CNTN5: variants seen among roughly 807,000 people sequenced by gnomAD.
CNTN5 encodes contactin 5.
In CNTN5, 77 loss-of-function variants were observed where a neutral mutation model predicts 129.1. The observed-to-expected ratio is 0.60, with a 90% CI of 0.50 to 0.72. The LOEUF is 0.72. Ranked by LOEUF, CNTN5 falls within the 30% of genes least tolerant of loss-of-function variation. CNTN5 has a pLI of 0.00. For synonymous variants in CNTN5, 509 were observed against 465.6 expected (o/e 1.09, Z -1.20); for missense variants, 1,478 against 1,328.8 (o/e 1.11, Z -1.75).
At chr11:100,073,232 A>T (rs1943999608) in intron 12 of CNTN5, among the ~76,000 whole-genome samples, 1 of 151,932 alleles carries the variant, frequency 6.6e-6, no homozygotes, top group African/African-American at 2.4e-5. Flanking sequence ...TTTTCAGTAG[A>T]GATGGGGTTT....
At chr11:100,064,886 A>G (rs1943635303) in intron 10 of CNTN5, among the ~76,000 whole-genome samples, 1 of 152,130 alleles carries the variant, frequency 6.6e-6, no homozygotes, top group Admixed American at 6.6e-5. Flanking sequence ...GACAAACATC[A>G]TTTAAGCAGT....
rs371454644 is a variant in CNTN5, at chr11:100,267,280, C to CACACACACAG, written c.2165-3811_2165-3810insCACACACAGA. Among the ~76,000 whole-genome samples, 745 of 148,532 alleles carry CACACACACAG rather than the reference C, an allele frequency of 5.0e-3. 9 individuals carry two copies. The highest frequency in any genetic ancestry group is 0.028 in the East Asian group (136 of 4,800). On this transcript the variant is annotated intron_variant, in intron 17 of 24. Coordinates refer to ENST00000524871, the MANE Select transcript of CNTN5 (RefSeq NM_014361.4). Reference sequence around the variant, plus strand: ...ACACACACACACACACACACACACACAGAGAGAGAGAGAAAGAGAGAGTGA... The same window carrying CACACACACAG: ...ACACACACACACACACACACACACACACACACACAGAGAGAGAGAGAGAAAGAGAGAGTGA...
At chr11:99,849,348 A>ATATATATATGCATAATTAG (rs1186418686) in intron 6 of CNTN5, among the ~76,000 whole-genome samples, 22 of 151,786 alleles carry the variant, frequency 1.4e-4, no homozygotes, top group Admixed American at 2.6e-4. Flanking sequence ...TTCAACATAT[A>ATATATATATGCATAATTAG]TATATATATG....
intron 1 of CNTN5, among the ~76,000 whole-genome samples, chr11:99,249,454 A>G (rs2135786216): frequency 6.6e-6 from 1 of 152,178 alleles, no homozygotes; most frequent in African/African-American, 2.4e-5. Flanking sequence ...GACACAGATT[A>G]GACATTTAAT....
chr11:99,872,276 C>T (rs1948523203), intron 6 of CNTN5, among the ~76,000 whole-genome samples: 1 of 151,896 alleles, frequency 6.6e-6, no homozygotes, highest in Admixed American at 6.6e-5. Flanking sequence ...CTTTGCTTTA[C>T]TGGAAATATA....
At chr11:100,151,063 C>A (rs905605158) in intron 13 of CNTN5, among the ~76,000 whole-genome samples, 5 of 152,078 alleles carry the variant, frequency 3.3e-5, no homozygotes, top group African/African-American at 1.2e-4. Context: ...TCTTAGATTT[C>A]CCACCCTTTA....
intron 1 of CNTN5, among the ~76,000 whole-genome samples, chr11:99,264,511 G>T (rs1292596957): frequency 6.6e-6 from 1 of 151,918 alleles, no homozygotes; most frequent in Non-Finnish European, 1.5e-5. Context: ...CCTGGAGCAG[G>T]GGAAATGCTA....
chr11:99,643,403 C>G (rs1951839894), intron 3 of CNTN5, among the ~76,000 whole-genome samples: 1 of 152,112 alleles, frequency 6.6e-6, no homozygotes, highest in Non-Finnish European at 1.5e-5. Flanking sequence ...ATTATACATT[C>G]TGTTTCGAGC....
intron 1 of CNTN5, among the ~76,000 whole-genome samples, chr11:99,141,352 T>C (rs918764387): frequency 3.3e-5 from 5 of 152,126 alleles, no homozygotes; most frequent in Admixed American, 2.6e-4. Flanking sequence ...AATGGTAATG[T>C]AGTAATGATA....
At chr11:100,290,487 A>C (rs902046355) in intron 18 of CNTN5, among the ~76,000 whole-genome samples, 3 of 146,642 alleles carry the variant, frequency 2.0e-5, no homozygotes, top group Admixed American at 6.8e-5. Flanking sequence ...GACAAACCTG[A>C]CAAAAACAAG....
chr11:99,134,697 G>T (rs907024460), intron 1 of CNTN5, among the ~76,000 whole-genome samples: 3 of 151,984 alleles, frequency 2.0e-5, no homozygotes, highest in African/African-American at 7.2e-5. Context: ...TATGTGTCAA[G>T]ATGCCAGTAA....
intron 1 of CNTN5, among the ~76,000 whole-genome samples, chr11:99,319,236 A>G (rs1011234799): frequency 2.6e-5 from 4 of 152,204 alleles, no homozygotes; most frequent in African/African-American, 9.6e-5. Context: ...TATTTACTTC[A>G]TGATTATTTT....
At chr11:99,913,397 A>C (rs1276194869) in intron 6 of CNTN5, among the ~76,000 whole-genome samples, 1 of 152,046 alleles carries the variant, frequency 6.6e-6, no homozygotes, top group African/African-American at 2.4e-5. Flanking sequence ...AGAAATGTAC[A>C]TACCCCATGA....
intron 2 of CNTN5, among the ~76,000 whole-genome samples, chr11:99,383,056 C>G (rs1280879719): frequency 1.3e-5 from 2 of 150,128 alleles, no homozygotes; most frequent in African/African-American, 4.9e-5. Flanking sequence ...AGGGTTTCAC[C>G]ATATTGGCCA....
chr11:99,054,273 A>T (rs2135186262), intron 1 of CNTN5, among the ~76,000 whole-genome samples: 1 of 151,912 alleles, frequency 6.6e-6, no homozygotes, highest in African/African-American at 2.4e-5. Context: ...TGGCTGTTTG[A>T]AGAGAAGATT....
At chr11:99,579,505 T>A (rs1220557240) in intron 3 of CNTN5, among the ~76,000 whole-genome samples, 3 of 150,100 alleles carry the variant, frequency 2.0e-5, no homozygotes, top group African/African-American at 4.9e-5. Flanking sequence ...TTTTATTTCA[T>A]TGAGCAGTGG....
At chr11:100,197,658 C>T (rs1418590133) in intron 15 of CNTN5, among the ~76,000 whole-genome samples, 1 of 151,950 alleles carries the variant, frequency 6.6e-6, no homozygotes, top group Admixed American at 6.6e-5. Flanking sequence ...TGTGCTGAGC[C>T]ACTGTTTTCC....
At chr11:99,171,042 C>T (rs1202236662) in intron 1 of CNTN5, among the ~76,000 whole-genome samples, 1 of 151,936 alleles carries the variant, frequency 6.6e-6, no homozygotes, top group Non-Finnish European at 1.5e-5. Context: ...AACATGACTG[C>T]ATCACATACA....
intron 3 of CNTN5, among the ~76,000 whole-genome samples, chr11:99,571,753 C>T (rs1374171138): frequency 2.6e-5 from 4 of 152,000 alleles, no homozygotes; most frequent in Non-Finnish European, 4.4e-5. Flanking sequence ...GTCATACTTC[C>T]ATAGAGTGAT....
Sources: allele counts gnomAD v4.1 joint callset (sites outside exome capture counted in the v4.1 genomes callset), GRCh38; gene constraint gnomAD v4.1.1; transcripts MANE v1.5; gene names NCBI Gene and HGNC (gene_info 2026-07-23, HGNC 2026-07-21).